TNS2: variants seen among roughly 807,000 people sequenced by gnomAD.
TNS2 encodes tensin-2.
A neutral mutation model predicts 155.7 loss-of-function variants in TNS2; 77 were observed. That is an observed-to-expected ratio of 0.49 (90% confidence interval 0.41 to 0.60). TNS2 has a LOEUF of 0.60. Ranked by LOEUF, TNS2 falls within the 20% of genes least tolerant of loss-of-function variation. TNS2 has a pLI of 0.00. For synonymous variants in TNS2, 726 were observed against 763.9 expected, an observed-to-expected ratio of 0.95 and a Z score of 0.82; for missense variants, 1,703 against 1,868.8, an observed-to-expected ratio of 0.91 and a Z score of 1.64.
chr12:53,062,131 T>C, intron 22 of TNS2, 22 bp from the exon 23 acceptor site: 1 of 1,613,684 alleles, frequency 6.2e-7, no homozygotes, highest in South Asian at 1.1e-5. Context: ...AAAGCCGCAA[T>C]CTTCCCCTCG....
Position 53,060,378 on chromosome 12 carries a change from AC to A in TNS2, c.2618-26del, listed in dbSNP as rs770457991. On this transcript the variant is annotated intron_variant, in intron 18 of 28. Coordinates refer to ENST00000314250, the MANE Select transcript of TNS2 (RefSeq NM_170754.4). This position sits in a 1 kb window ranked among gnomAD's most constrained non-coding sequence, Gnocchi z 6.1. ...CAGACAGAAGAGCCCCATCCTGCTC[AC>A]AGCCCACCTCTCCCCTTCACTGCAG... The A allele has an allele frequency of 6.2e-7, 1 of 1,604,782 alleles. No homozygotes were observed. Among genetic ancestry groups the A allele is most frequent in the Non-Finnish European group, 8.5e-7 (1 of 1,174,316 alleles).
chr12:53,051,833 C>G, intron 1 of TNS2, 22 bp from the exon 2 acceptor site: 1 of 1,599,580 alleles, frequency 6.3e-7, no homozygotes, highest in African/African-American at 1.3e-5. Context: ...ACTCACACCT[C>G]TGTTTGTCCC....
At position 53,063,188 on chromosome 12, in the gene TNS2, G is replaced by C; in HGVS notation, c.3923G>C (p.Arg1308Pro). 1 of 1,612,374 alleles carries C rather than the reference G, an allele frequency of 6.2e-7. No individual in the cohort carries two copies. Among genetic ancestry groups the C allele is most frequent in the Non-Finnish European group, 8.5e-7 (1 of 1,179,512 alleles). Reference sequence around the variant, plus strand: ...TCTGCAGCTCTGAGCTGTAGCCCCCGCCCGACACCAGCTGTTGTCCACTTC... The same window carrying C: ...TCTGCAGCTCTGAGCTGTAGCCCCCCCCCGACACCAGCTGTTGTCCACTTC... ...ASSAALSCSP[R>P]PTPAVVHFKV... Residue 1308 changes from arginine (R) to proline (P), a missense_variant, in exon 26 of 29, where the codon CGC (arginine) becomes CCC (proline). Physicochemically the swap from Arg to Pro is moderately radical, Grantham distance 103. Transcript: ENST00000314250. This position sits in a 1 kb window ranked among gnomAD's most constrained non-coding sequence, Gnocchi z 5.6.
rs1245963287 is a variant in TNS2, at chr12:53,059,683, A to G, written c.2042A>G (p.Asp681Gly). 1 of 1,613,026 alleles carries G rather than the reference A, an allele frequency of 6.2e-7. No homozygotes were observed. The highest frequency in any genetic ancestry group is 8.5e-7 in the Non-Finnish European group (1 of 1,179,930). ...TACCGGGAGGTGGTCATCCTGGAGGACCCTGGGCTGCCTGCCCTATACCCA... is the reference window on the plus strand; with the variant it reads ...TACCGGGAGGTGGTCATCCTGGAGGGCCCTGGGCTGCCTGCCCTATACCCA... ...PGYREVVILE[D>G]PGLPALYPCP... is the part of the protein sequence containing the mutation. The change falls in exon 18 of 29, where the codon GAC becomes GGC. Residue 681 changes from aspartate to glycine, a missense_variant. Physicochemically the swap from Asp to Gly is moderately conservative, Grantham distance 94 (BLOSUM62 -1). Coordinates refer to ENST00000314250, the MANE Select transcript of TNS2 (RefSeq NM_170754.4). The surrounding 1 kb of genome is among the most constrained non-coding windows in gnomAD (Gnocchi z 4.7).
At chr12:53,061,491 A>G (rs1944384300) in intron 21 of TNS2, 22 bp downstream of exon 21, 1 of 1,611,554 alleles carries the variant, frequency 6.2e-7, no homozygotes, top group Admixed American at 1.7e-5. Context: ...GCCTGCCCCC[A>G]CCCCACTGCA....
chr12:53,054,003 C>A lies in TNS2; in HGVS notation c.339C>A (p.Ser113Arg). 6.2e-7 allele frequency: 1 copy of A among 1,614,194 alleles called. No homozygotes were observed. The change falls in exon 6 of 29, where the codon AGC (serine) becomes AGA (arginine). Residue 113 changes from serine to arginine, a missense_variant. Transcript: ENST00000314250. ...TKSLNHSKQRSTLPRSFSLDP... is the reference protein window; with the variant it reads ...TKSLNHSKQRRTLPRSFSLDP... ...CTCTGAACCACTCAAAGCAGCGCAGCACTCTGCCCAGGTAAGTGAGGGTGC... is the reference window on the plus strand; with the variant it reads ...CTCTGAACCACTCAAAGCAGCGCAGAACTCTGCCCAGGTAAGTGAGGGTGC...
chr12:53,061,345 C>G (rs1354356118), intron 20 of TNS2, 35 bp from the exon 21 acceptor site: 1 of 1,613,390 alleles, frequency 6.2e-7, no homozygotes, highest in East Asian at 2.2e-5. Flanking sequence ...GACCCGGGTA[C>G]CCTGGGGTCT....
intron 10 of TNS2, 124 bp from the exon 11 acceptor site, chr12:53,056,889 C>T: frequency 6.9e-6 from 6 of 866,392 alleles, no homozygotes; most frequent in Non-Finnish European, 1.1e-5. Context: ...TTCTCATTAC[C>T]ACTACTCTGG....
chr12:53,056,054 G>A (rs1195523177), intron 10 of TNS2: 5 of 557,334 alleles, frequency 9.0e-6, no homozygotes, highest in Admixed American at 6.8e-5. Context: ...CAAACAGGGT[G>A]GTGTAAAACA....
intron 24 of TNS2, 57 bp from the exon 25 acceptor site, chr12:53,062,563 C>G: frequency 6.2e-7 from 1 of 1,609,748 alleles, no homozygotes; most frequent in Non-Finnish European, 8.5e-7. Context: ...AGGGAGTGCT[C>G]CAGCCTGGGG....
rs1944318337 is a variant in TNS2 at position 53,059,913 on chromosome 12, C to A, written c.2272C>A (p.Pro758Thr). 1 of 1,611,738 alleles carries A rather than the reference C, an allele frequency of 6.2e-7. No individual in the cohort carries two copies. The highest frequency in any genetic ancestry group is 1.7e-5 in the Admixed American group (1 of 59,952). ...PMPDYSCLKP[P>T]KAGEEGHEGC... ...GCCTGACTACAGCTGCCTGAAGCCA[C>A]CCAAGGCAGGCGAGGAAGGGCACGA... The change falls in exon 18 of 29, where the codon CCC becomes ACC. Residue 758 changes from proline to threonine, a missense_variant. Pro to Thr is a conservative substitution (Grantham distance 38). Transcript: ENST00000314250. The surrounding 1 kb of genome is among the most constrained non-coding windows in gnomAD (Gnocchi z 4.7).
At chr12:53,051,716 C>G in intron 1 of TNS2, 139 bp from the exon 2 acceptor site, 1 of 644,226 alleles carries the variant, frequency 1.6e-6, no homozygotes, top group Middle Eastern at 3.9e-4. Context: ...CAGCTGTGGC[C>G]AAGTGCGTCC....
Position 53,059,239 on chromosome 12 carries a change from C to T in TNS2, c.1598C>T (p.Pro533Leu). 2 of 1,533,896 alleles carry T rather than the reference C, an allele frequency of 1.3e-6. No individual in the cohort carries two copies. The highest frequency in any genetic ancestry group is 2.8e-5 in the African/African-American group (2 of 71,976). Reference protein sequence around the residue: ...PAAESPGRPPPTAAERQELDR... With the variant: ...PAAESPGRPPLTAAERQELDR... ...GCTGAGTCCCCTGGCCGGCCGCCCCCTACAGCTGCTGAACGGCAGGAGCTG... is the reference window on the plus strand; with the variant it reads ...GCTGAGTCCCCTGGCCGGCCGCCCCTTACAGCTGCTGAACGGCAGGAGCTG... Residue 533 changes from proline to leucine, a missense_variant, in exon 18 of 29, where the codon CCT becomes CTT. Physicochemically the swap from Pro to Leu is moderately conservative, Grantham distance 98. Transcript: ENST00000314250. This position sits in a 1 kb window ranked among gnomAD's most constrained non-coding sequence, Gnocchi z 4.7.
In TNS2 at chr12:53,059,083, G is replaced by A; in HGVS notation, c.1442G>A (p.Ser481Asn). ...CACACCCGGGGTCCCCTGGATGGCA[G>A]TCCTTATGCCCAGGTGCAGCGGCCT... ...LTHTRGPLDG[S>N]PYAQVQRPPR... The change falls in exon 18 of 29, where the codon AGT (serine) becomes AAT (asparagine). Residue 481 changes from serine to asparagine, a missense_variant. Ser to Asn is a conservative substitution (Grantham distance 46). Transcript: ENST00000314250. This position sits in a 1 kb window ranked among gnomAD's most constrained non-coding sequence, Gnocchi z 4.7. 1.9e-6 allele frequency: 3 copies of A among 1,541,310 alleles called. No individual in the cohort carries two copies. Among genetic ancestry groups the A allele is most frequent in the Non-Finnish European group, 2.6e-6 (3 of 1,147,760 alleles).
upstream of TNS2, among the ~76,000 whole-genome samples, chr12:53,049,597 G>C (rs1231875037): frequency 6.6e-6 from 1 of 152,070 alleles, no homozygotes; most frequent in Admixed American, 6.5e-5. Flanking sequence ...CAGGAAGGGG[G>C]CCCCCAGTCC....
intron 13 of TNS2, 71 bp from the exon 14 acceptor site, chr12:53,057,956 C>G (rs1944219037): frequency 6.2e-7 from 1 of 1,609,566 alleles, no homozygotes; most frequent in South Asian, 1.1e-5. Context: ...TCCTGGCTCC[C>G]CCTGACTGCA....
chr12:53,062,576 C>T, intron 24 of TNS2, 44 bp from the exon 25 acceptor site: 1 of 1,611,258 alleles, frequency 6.2e-7, no homozygotes, highest in Non-Finnish European at 8.5e-7. Flanking sequence ...GCCTGGGGAA[C>T]ACTCTGCCTT....
In TNS2 at chr12:53,051,268, A is replaced by AC. The variant is rs59876374; in HGVS notation, c.76-582dup. On this transcript the variant is annotated intron_variant, in intron 1 of 28. Transcript: ENST00000314250. ...CTATCTGTTTCCCTCCAGCATGACCACCCCCATTACACAATTGCTGTCTGC... is the reference window on the plus strand; with the variant it reads ...CTATCTGTTTCCCTCCAGCATGACCACCCCCCATTACACAATTGCTGTCTGC... Among the ~76,000 whole-genome samples, 11 of 152,038 alleles carry AC rather than the reference A, an allele frequency of 7.2e-5. No homozygotes were observed. In the South Asian group the frequency reaches 2.3e-3, roughly 32 times the overall value.
At chr12:53,054,178 T>C in intron 6 of TNS2, 92 bp from the exon 7 acceptor site, 2 of 1,580,482 alleles carry the variant, frequency 1.3e-6, no homozygotes, top group Non-Finnish European at 1.7e-6. Context: ...CCCAGCAGGC[T>C]TCACCTGCTG....
Sources: allele counts gnomAD v4.1 joint callset (sites outside exome capture counted in the v4.1 genomes callset), GRCh38; gene constraint gnomAD v4.1.1; non-coding constraint Gnocchi (gnomAD v3.1); transcripts MANE v1.5; gene names NCBI Gene and HGNC (gene_info 2026-07-23, HGNC 2026-07-21).